EFR3A: variants seen among roughly 807,000 people sequenced by gnomAD.
EFR3A encodes the protein protein EFR3 homolog A.
Under a neutral mutation model 104.4 loss-of-function variants are expected in EFR3A, and 76 were observed. That is an observed-to-expected ratio of 0.73 (90% CI 0.60 to 0.88). EFR3A has a LOEUF of 0.88. Ranked by LOEUF, EFR3A falls within the 40% of genes least tolerant of loss-of-function variation. The pLI is 0.00. For synonymous variants in EFR3A, 330 were observed against 330.0 expected (o/e 1.00, Z 0.00); for missense variants, 985 against 1,012.5 (o/e 0.97, Z 0.37).
chr8:131,973,859 C>G (rs1820196290), intron 10 of EFR3A, among the ~76,000 whole-genome samples: 1 of 151,690 alleles, frequency 6.6e-6, no homozygotes, highest in South Asian at 2.1e-4. Flanking sequence ...GTGACTTTAT[C>G]CTTAGAGTTA....
At chr8:131,984,571 T>TG (rs55809740) in intron 15 of EFR3A, among the ~76,000 whole-genome samples, 3,293 of 152,104 alleles carry the variant, frequency 0.022, 57 homozygotes, top group Middle Eastern at 0.045. Context: ...CTTCCTACAC[T>TG]GGGGGGGATA....
At chr8:132,001,465 G>A (rs1399002496) in intron 19 of EFR3A, among the ~76,000 whole-genome samples, 2 of 152,084 alleles carry the variant, frequency 1.3e-5, no homozygotes, top group Non-Finnish European at 2.9e-5. Context: ...CACAGTACTG[G>A]GACTGAGTTC....
chr8:131,998,888 TAC>T, intron 19 of EFR3A, among the ~76,000 whole-genome samples: 1 of 152,036 alleles, frequency 6.6e-6, no homozygotes, highest in South Asian at 2.1e-4. Flanking sequence ...TATGTGTGTA[TAC>T]ACACACATTT....
At chr8:131,934,253 C>T (rs1817761311) in intron 1 of EFR3A, among the ~76,000 whole-genome samples, 1 of 152,102 alleles carries the variant, frequency 6.6e-6, no homozygotes, top group South Asian at 2.1e-4. Flanking sequence ...TGCCGTCCTG[C>T]CTAGTGTTGC....
At chr8:131,942,474 A>T (rs568126375) in intron 2 of EFR3A, among the ~76,000 whole-genome samples, 2 of 152,196 alleles carry the variant, frequency 1.3e-5, no homozygotes, top group African/African-American at 4.8e-5. Context: ...TAGCCAGATG[A>T]TCTTGGGCAA....
chr8:131,955,554 A>G (rs1309794091), intron 6 of EFR3A, among the ~76,000 whole-genome samples: 1 of 152,174 alleles, frequency 6.6e-6, no homozygotes, highest in African/African-American at 2.4e-5. Context: ...TTAGCTAGAA[A>G]CAATTTGCAC....
At chr8:131,936,647 C>T (rs1817906279) in intron 1 of EFR3A, among the ~76,000 whole-genome samples, 1 of 152,080 alleles carries the variant, frequency 6.6e-6, no homozygotes. Flanking sequence ...TCCTTGGGCT[C>T]AGCTAATTTG....
chr8:131,946,731 T>G, intron 4 of EFR3A, 98 bp downstream of exon 4: 1 of 1,163,516 alleles, frequency 8.6e-7, no homozygotes, highest in East Asian at 2.9e-5. Context: ...GCAAATTCCC[T>G]GAATAGGGCA....
intron 1 of EFR3A, among the ~76,000 whole-genome samples, chr8:131,905,583 G>A (rs1816217298): frequency 6.6e-6 from 1 of 152,136 alleles, no homozygotes; most frequent in Non-Finnish European, 1.5e-5. Context: ...ACTACTGTGT[G>A]TCCTTAACTC....
intron 18 of EFR3A, among the ~76,000 whole-genome samples, chr8:131,990,988 G>A (rs1190872312): frequency 6.6e-6 from 1 of 152,070 alleles, no homozygotes; most frequent in Non-Finnish European, 1.5e-5. Context: ...GATATAGCTG[G>A]TGTATTAGTC....
At position 131,970,470 on chromosome 8, in the gene EFR3A, T is replaced by G; in HGVS notation, c.992-6T>G. ...TGTATCTTCTCACATAAGTGATCCTTTATAGGTCCGACAGTGCTGGAAGTC... is the reference window on the plus strand; with the variant it reads ...TGTATCTTCTCACATAAGTGATCCTGTATAGGTCCGACAGTGCTGGAAGTC... On this transcript the variant is annotated splice_polypyrimidine_tract_variant and splice_region_variant and intron_variant, in intron 9 of 22. Transcript: ENST00000254624. 6.2e-7 allele frequency: 1 copy of G among 1,612,798 alleles called. No individual in the cohort carries two copies. The highest frequency in any genetic ancestry group is 8.5e-7 in the Non-Finnish European group (1 of 1,179,164).
rs1277707022 is a variant in EFR3A at position 131,984,261 on chromosome 8, A to C, written c.1698A>C (p.Glu566Asp). Reference protein sequence around the residue: ...ALITIELANEEVVIDLIRLAI... With the variant: ...ALITIELANEDVVIDLIRLAI... ...TAACTATTGAACTGGCTAATGAAGA[A>C]GTAGTTATTGATCTCATTCGACTGG... is the stretch of plus-strand genomic sequence containing the variant. Residue 566 changes from glutamate (E) to aspartate (D), a missense_variant, in exon 15 of 23, where the codon GAA becomes GAC. Transcript: ENST00000254624. The C allele has an allele frequency of 3.1e-6, 5 of 1,607,966 alleles. No individual in the cohort carries two copies. Among genetic ancestry groups the C allele is most frequent in the Non-Finnish European group, 4.2e-6 (5 of 1,177,276 alleles).
At chr8:131,912,657 CAG>C (rs1020768339) in intron 1 of EFR3A, among the ~76,000 whole-genome samples, 2 of 152,170 alleles carry the variant, frequency 1.3e-5, no homozygotes, top group Non-Finnish European at 2.9e-5. Flanking sequence ...ATTCTACAAT[CAG>C]AGAAGAAGAT....
chr8:131,953,993 G>C (rs924064472), intron 6 of EFR3A, 26 bp downstream of exon 6: 1 of 1,503,900 alleles, frequency 6.6e-7, no homozygotes, highest in Non-Finnish European at 8.9e-7. Flanking sequence ...TTAGTGTTGA[G>C]ACAGTGTTAC....
Position 132,008,669 on chromosome 8 carries a change from T to C in EFR3A, c.2361-2121T>C, listed in dbSNP as rs563263915. ...GAGATCAGAACATAGTTGTTGCATGTGGATGTATGTGTATGGGTATGTCAG... is the reference window on the plus strand; with the variant it reads ...GAGATCAGAACATAGTTGTTGCATGCGGATGTATGTGTATGGGTATGTCAG... On this transcript the variant is annotated intron_variant, in intron 22 of 22. Transcript: ENST00000254624. Among the ~76,000 whole-genome samples the C allele has an allele frequency of 2.6e-5, 4 of 151,522 alleles. No homozygotes were observed. The East Asian group carries it at 7.8e-4, about 29-fold the overall frequency.
intron 8 of EFR3A, among the ~76,000 whole-genome samples, chr8:131,960,565 T>C (rs1044508849): frequency 2.0e-5 from 3 of 152,322 alleles, no homozygotes; most frequent in African/African-American, 7.2e-5. Context: ...TGTATTATCA[T>C]TGTACAATTA....
At chr8:131,914,450 A>T (rs559091999) in intron 1 of EFR3A, among the ~76,000 whole-genome samples, 4 of 152,274 alleles carry the variant, frequency 2.6e-5, no homozygotes, top group Admixed American at 2.6e-4. Flanking sequence ...TGAGGATTTC[A>T]TATTGCTCTT....
chr8:131,944,147 CTG>C lies in EFR3A; in HGVS notation c.88-597_88-596del, dbSNP rs1461711713. Among the ~76,000 whole-genome samples, 4 of 152,150 alleles carry C rather than the reference CTG, an allele frequency of 2.6e-5. No homozygotes were observed. The East Asian group carries it at 7.7e-4, about 29-fold the overall frequency. On this transcript the variant is annotated intron_variant, in intron 2 of 22. Transcript: ENST00000254624. Reference sequence around the variant, plus strand: ...TATGGCCAAGAAACTTACGTGGTAACTGGGGAGAATTTATGCACCTGTTGCAC... The same window carrying C: ...TATGGCCAAGAAACTTACGTGGTAACGGGAGAATTTATGCACCTGTTGCAC...
chr8:131,961,533 C>A (rs1208054267), intron 8 of EFR3A, among the ~76,000 whole-genome samples: 3 of 152,164 alleles, frequency 2.0e-5, no homozygotes. Context: ...AAGAAACACA[C>A]AAAGCCTCCA....
Sources: allele counts gnomAD v4.1 joint callset (sites outside exome capture counted in the v4.1 genomes callset), GRCh38; gene constraint gnomAD v4.1.1; transcripts MANE v1.5; gene names NCBI Gene and HGNC (gene_info 2026-07-23, HGNC 2026-07-21).